Variants in BICDL1 observed in about 807,000 individuals in gnomAD.
BICDL1 encodes BICD family like cargo adaptor 1.
In BICDL1, 20 loss-of-function variants were observed where a neutral mutation model predicts 76.8. The ratio of observed to expected loss-of-function variants is 0.26; its 90% CI spans 0.18 to 0.38. The LOEUF (loss-of-function observed/expected upper bound fraction) is 0.38, where lower values mean the gene tolerates loss of function less well. Ranked by LOEUF, BICDL1 falls within the 10% of genes least tolerant of loss-of-function variation. The pLI, the probability that BICDL1 is intolerant of heterozygous loss-of-function variation, is 1.00. For synonymous variants in BICDL1, 383 were observed against 337.1 expected, an observed-to-expected ratio of 1.14 and a Z score of -1.49; for missense variants, 700 against 798.6, an observed-to-expected ratio of 0.88 and a Z score of 1.49.
chr12:120,063,526 G>A (rs996311087), intron 3 of BICDL1, among the ~76,000 whole-genome samples: 8 of 130,456 alleles, frequency 6.1e-5, no homozygotes, highest in Admixed American at 1.4e-4. Context: ...AGTGTATCTC[G>A]TAGGACTGAA....
intron 9 of BICDL1, chr12:120,090,788 GCTGGCAGCCAGAACA>G (rs1874891602): frequency 1.1e-6 from 1 of 892,210 alleles, no homozygotes. Flanking sequence ...GCCCCATGGG[GCTGGCAGCCAGAACA>G]CTGGCCCCAC....
chr12:120,086,766 G>C (rs781203670), intron 8 of BICDL1, among the ~76,000 whole-genome samples: 4 of 152,188 alleles, frequency 2.6e-5, no homozygotes, highest in Non-Finnish European at 5.9e-5. Flanking sequence ...TTTGTAAAAA[G>C]GAATTATTCG....
chr12:120,080,706 G>C (rs1873900914), intron 7 of BICDL1, 181 bp from the exon 8 acceptor site: 1 of 531,642 alleles, frequency 1.9e-6, no homozygotes, highest in South Asian at 2.2e-5. Flanking sequence ...CATGTGATGT[G>C]GTACCCTTTC....
intron 2 of BICDL1, among the ~76,000 whole-genome samples, chr12:120,041,637 GT>G (rs1178330946): frequency 6.6e-6 from 1 of 152,164 alleles, no homozygotes; most frequent in Non-Finnish European, 1.5e-5. Flanking sequence ...CACAGGTAGG[GT>G]TAGGGTGAGC....
At chr12:120,074,722 C>T in intron 7 of BICDL1, 136 bp downstream of exon 7, 1 of 706,170 alleles carries the variant, frequency 1.4e-6, no homozygotes, top group Non-Finnish European at 1.8e-6. Context: ...GGAATGGTGA[C>T]CTGAAGTTGA....
At chr12:120,025,389 T>C (rs1276487797) in intron 2 of BICDL1, among the ~76,000 whole-genome samples, 4 of 152,106 alleles carry the variant, frequency 2.6e-5, no homozygotes, top group Non-Finnish European at 5.9e-5. Flanking sequence ...GGAGGGACAG[T>C]GTAGGAGACA....
At chr12:120,012,485 C>T (rs1009336710) in intron 2 of BICDL1, among the ~76,000 whole-genome samples, 29 of 152,194 alleles carry the variant, frequency 1.9e-4, no homozygotes, top group Admixed American at 1.8e-3. Flanking sequence ...TGCTAGGTTA[C>T]GGCTTTTCAC....
At chr12:119,992,243 A>C (rs542548346) in intron 1 of BICDL1, among the ~76,000 whole-genome samples, 1 of 152,336 alleles carries the variant, frequency 6.6e-6, no homozygotes, top group South Asian at 2.1e-4. Context: ...TAATCTTTCT[A>C]GTGTTAATGT....
chr12:120,063,113 G>C (rs1953141489), intron 3 of BICDL1, among the ~76,000 whole-genome samples: 1 of 152,076 alleles, frequency 6.6e-6, no homozygotes, highest in Non-Finnish European at 1.5e-5. Context: ...AGTTTTTTTA[G>C]GGTCAGTTGT....
rs1952613305 is a variant in BICDL1 at position 120,040,317 on chromosome 12, C to T, written c.646-21393C>T. Among the ~76,000 whole-genome samples, 6 of 152,228 alleles carry T rather than the reference C, an allele frequency of 3.9e-5. No homozygotes were observed. The South Asian group carries it at 1.2e-3, about 32-fold the overall frequency. On this transcript the variant is annotated intron_variant, in intron 2 of 9. Coordinates refer to ENST00000548673, the MANE Select transcript of BICDL1 (RefSeq NM_001367886.1). ...TGTTGGTCAGGCTGGTCTTGAACTC[C>T]TGACCTCAGGTGATCTGCCCATCTT...
At chr12:120,015,696 G>A (rs1256377586) in intron 2 of BICDL1, among the ~76,000 whole-genome samples, 2 of 152,156 alleles carry the variant, frequency 1.3e-5, no homozygotes, top group African/African-American at 4.8e-5. Context: ...ACTTAGTTCT[G>A]TGGTTCAAAT....
In BICDL1 at chr12:120,093,164, T is replaced by TGGGA. The variant is rs753121140; in HGVS notation, c.*6_*9dup. On this transcript the variant is annotated 3_prime_UTR_variant, in exon 10 of 10. Coordinates refer to ENST00000548673, the MANE Select transcript of BICDL1 (RefSeq NM_001367886.1). ...TCTCATTCTTCAGGAAAATTTAAGT[T>TGGGA]GGGAGGAGTCAGGCCACCAAAGATG... 1.9e-6 allele frequency: 3 copies of TGGGA among 1,586,342 alleles called. No homozygotes were observed. The Admixed American group carries it at 5.5e-5, about 29-fold the overall frequency.
rs867766243 is a variant in BICDL1 at position 120,021,609 on chromosome 12, A to G, written c.645+22873A>G. ...CTCAAAAAAAAAAAAAAAAAAAAAA[A>G]AGAGAATCAGCCAGGTGTGGTGGCT... On this transcript the variant is annotated intron_variant, in intron 2 of 9. Transcript: ENST00000548673. Among the ~76,000 whole-genome samples, 1,188 of 138,802 alleles carry G rather than the reference A, an allele frequency of 8.6e-3. 16 individuals carry two copies. Among genetic ancestry groups the G allele is most frequent in the African/African-American group, 0.032 (1,115 of 35,246 alleles). 91.1% of individuals were successfully genotyped at this position (138,802 alleles called of 152,430 possible).
chr12:120,025,212 G>A (rs540137298), intron 2 of BICDL1, among the ~76,000 whole-genome samples: 14 of 151,780 alleles, frequency 9.2e-5, no homozygotes, highest in Non-Finnish European at 1.9e-4. Context: ...CACCTCGCCC[G>A]GCTAATTTTT....
At chr12:119,999,103 A>G (rs925084179) in intron 2 of BICDL1, among the ~76,000 whole-genome samples, 9 of 150,214 alleles carry the variant, frequency 6.0e-5, no homozygotes, top group Admixed American at 5.3e-4. Flanking sequence ...GAGCTTCTGT[A>G]TAATGTGAGT....
chr12:120,016,986 G>T (rs920882901), intron 2 of BICDL1, among the ~76,000 whole-genome samples: 7 of 152,008 alleles, frequency 4.6e-5, no homozygotes, highest in African/African-American at 1.4e-4. Flanking sequence ...TCTGCCTCCC[G>T]GGTTCATGCC....
rs191311704 is a variant in BICDL1 at position 120,063,273 on chromosome 12, T to A, written c.762+1447T>A. Among the ~76,000 whole-genome samples, 443 of 152,272 alleles carry A rather than the reference T, an allele frequency of 2.9e-3. 4 individuals are homozygous for A. The highest frequency in any genetic ancestry group is 2.3e-3 in the Non-Finnish European group (156 of 68,008). ...CTTCACATGGGTAACTTTGCTTCAG[T>A]GTAGGAAATAGTGGACCCATTCACA... On this transcript the variant is annotated intron_variant, in intron 3 of 9. Transcript: ENST00000548673.
intron 7 of BICDL1, among the ~76,000 whole-genome samples, chr12:120,078,035 C>T (rs1169165063): frequency 6.6e-6 from 1 of 152,308 alleles, no homozygotes; most frequent in East Asian, 1.9e-4. Flanking sequence ...ACATGCACCC[C>T]ATGCTACCCA....
intron 2 of BICDL1, among the ~76,000 whole-genome samples, chr12:120,060,769 T>A (rs1177881980): frequency 6.6e-6 from 1 of 152,200 alleles, no homozygotes; most frequent in Non-Finnish European, 1.5e-5. Flanking sequence ...TAAAAAGAAC[T>A]ACTGAACATG....
Sources: allele counts gnomAD v4.1 joint callset (sites outside exome capture counted in the v4.1 genomes callset), GRCh38; gene constraint gnomAD v4.1.1; transcripts MANE v1.5; gene names NCBI Gene and HGNC (gene_info 2026-07-23, HGNC 2026-07-21).